The following ZNF112 variants were observed in gnomAD, a reference collection of about 807,000 sequenced individuals.
ZNF112 encodes zinc finger protein 112, also known as zinc finger protein 112 (Y14).
A neutral mutation model predicts 77.7 loss-of-function variants in ZNF112; 37 were observed. The ratio of observed to expected loss-of-function variants is 0.48; its 90% CI spans 0.37 to 0.63. The LOEUF is 0.63. Among genes scored for constraint, ZNF112 ranks in the 20% least tolerant of loss-of-function variants. ZNF112 has a pLI of 0.00. For synonymous variants in ZNF112, 333 were observed against 363.6 expected, an observed-to-expected ratio of 0.92 and a Z score of 0.96; for missense variants, 950 against 1,077.4, an observed-to-expected ratio of 0.88 and a Z score of 1.66.
intron 1 of ZNF112, chr19:44,343,391 C>T: frequency 3.7e-6 from 4 of 1,085,480 alleles, no homozygotes; most frequent in Middle Eastern, 4.1e-4. Context: ...TGTCCCTTCC[C>T]CCAGCAGATG....
upstream of ZNF112, among the ~76,000 whole-genome samples, chr19:44,359,417 G>A (rs371642047): frequency 7.1e-6 from 1 of 140,266 alleles, no homozygotes; most frequent in Non-Finnish European, 1.5e-5. Flanking sequence ...TCTGCCTCTC[G>A]GCTTCAAGCA....
At chr19:44,359,905 T>G (rs1013549281), upstream of ZNF112, among the ~76,000 whole-genome samples, 4 of 152,118 alleles carry the variant, frequency 2.6e-5, no homozygotes, top group African/African-American at 9.7e-5. Flanking sequence ...CCAACTAACT[T>G]TATGAGGCCA....
rs149142797 is a variant in ZNF112, at chr19:44,329,099, T to C, written c.1058A>G (p.Tyr353Cys). 1.9e-6 allele frequency: 3 copies of C among 1,613,840 alleles called. No individual in the cohort carries two copies. The highest frequency in any genetic ancestry group is 2.5e-6 in the Non-Finnish European group (3 of 1,179,996). ...GGCTTTCTCATAAATGTTGTGCCTA[T>C]AGGACATCTCACCTGTGTGGATAAG... ...YELIHTGEMS[Y>C]RHNIYEKAFS... Residue 353 changes from tyrosine (Y) to cysteine (C), a missense_variant, in exon 4 of 4, where the codon TAT becomes TGT. Around this residue, in one of 3 missense-constraint regions of ZNF112, gnomAD observed 560 missense variants for 557.3 expected, o/e 1.00. Coordinates refer to ENST00000354340, the MANE Select transcript of ZNF112 (RefSeq NM_013380.4).
At chr19:44,366,883 G>T (rs1970910031) in intron 1 of ZNF112, among the ~76,000 whole-genome samples, 1 of 152,086 alleles carries the variant, frequency 6.6e-6, no homozygotes, top group Non-Finnish European at 1.5e-5. Context: ...AACTGCATCA[G>T]TTTGGTACTA....
intron 1 of ZNF112, among the ~76,000 whole-genome samples, chr19:44,354,134 G>A (rs988549776): frequency 3.3e-5 from 5 of 152,104 alleles, no homozygotes; most frequent in African/African-American, 1.2e-4. Flanking sequence ...TATAGCATCA[G>A]TTCATTTATA....
chr19:44,349,347 ACT>A (rs1417574667), intron 1 of ZNF112, among the ~76,000 whole-genome samples: 7 of 151,280 alleles, frequency 4.6e-5, no homozygotes, highest in Admixed American at 1.3e-4. Flanking sequence ...ACTAATACAC[ACT>A]CTTCAAGCCA....
upstream of ZNF112, among the ~76,000 whole-genome samples, chr19:44,359,371 T>C (rs1970832388): frequency 7.4e-6 from 1 of 135,166 alleles, no homozygotes; most frequent in Non-Finnish European, 1.5e-5. Context: ...TTCCCCGGGC[T>C]GAAGTGCAGT....
At chr19:44,340,284 A>C in intron 2 of ZNF112, 132 bp downstream of exon 2, 1 of 1,229,222 alleles carries the variant, frequency 8.1e-7, no homozygotes, top group Non-Finnish European at 1.1e-6. Context: ...TCTGTGTTGC[A>C]CGGGGATTAT....
chr19:44,332,307 T>C (rs1373500161), intron 3 of ZNF112, among the ~76,000 whole-genome samples: 1 of 152,198 alleles, frequency 6.6e-6, no homozygotes, highest in Non-Finnish European at 1.5e-5. Context: ...TGAATCTGTA[T>C]CACTAGGCTC....
At chr19:44,336,413 C>T (rs990347994) in intron 3 of ZNF112, among the ~76,000 whole-genome samples, 2 of 152,034 alleles carry the variant, frequency 1.3e-5, no homozygotes, top group Admixed American at 6.6e-5. Flanking sequence ...ACTGAATGAG[C>T]AAAAACAAAC....
intron 1 of ZNF112, among the ~76,000 whole-genome samples, chr19:44,344,706 A>G (rs1970556575): frequency 6.6e-6 from 1 of 152,216 alleles, no homozygotes; most frequent in Admixed American, 6.5e-5. Context: ...AAATCCATAC[A>G]TGATGATGGA....
chr19:44,333,166 T>C (rs1970301216), intron 3 of ZNF112, among the ~76,000 whole-genome samples: 2 of 152,230 alleles, frequency 1.3e-5, no homozygotes, highest in Admixed American at 6.5e-5. Context: ...AATTGATCAA[T>C]TCAATAACAA....
intron 1 of ZNF112, among the ~76,000 whole-genome samples, chr19:44,355,543 A>C (rs1970771442): frequency 6.6e-6 from 1 of 152,228 alleles, no homozygotes; most frequent in African/African-American, 2.4e-5. Flanking sequence ...TCAAGAACTA[A>C]GGCAATGGAT....
intron 3 of ZNF112, among the ~76,000 whole-genome samples, chr19:44,332,410 C>T (rs1599914078): frequency 6.6e-6 from 1 of 152,116 alleles, no homozygotes; most frequent in East Asian, 1.9e-4. Context: ...GATGTCTTTG[C>T]CTTCTCAAAA....
At chr19:44,330,671 G>A (rs1228866220) in intron 3 of ZNF112, among the ~76,000 whole-genome samples, 1 of 152,180 alleles carries the variant, frequency 6.6e-6, no homozygotes, top group African/African-American at 2.4e-5. Context: ...ATGAGGCAGA[G>A]GTTGCAGTGA....
intron 1 of ZNF112, among the ~76,000 whole-genome samples, chr19:44,347,491 T>TC (rs1970614347): frequency 2.4e-5 from 3 of 124,816 alleles, no homozygotes; most frequent in Admixed American, 1.7e-4. Flanking sequence ...GTTGATTTTT[T>TC]TTTTTTTTTT....
Position 44,329,815 on chromosome 19 carries a change from T to G in ZNF112, c.342A>C (p.Gln114His), listed in dbSNP as rs985498082. Residue 114 changes from glutamine to histidine, a missense_variant, in exon 4 of 4, where the codon CAA becomes CAC. Gln to His is a conservative substitution (Grantham distance 24). Coordinates refer to ENST00000354340, the MANE Select transcript of ZNF112 (RefSeq NM_013380.4). ...QQSAGGLIRCQDFLKVFQGKN... is the reference protein window; with the variant it reads ...QQSAGGLIRCHDFLKVFQGKN... ...TCCCTTGAAAAACTTTCAGGAAATC[T>G]TGACACCTGATTAACCCACCTGCAC... 3.7e-6 allele frequency: 6 copies of G among 1,613,978 alleles called. No homozygotes were observed. Among genetic ancestry groups the G allele is most frequent in the Non-Finnish European group, 5.1e-6 (6 of 1,179,992 alleles).
At position 44,327,730 on chromosome 19, in the gene ZNF112, A is replaced by C. The variant is rs767960437; in HGVS notation, c.2427T>G (p.Ser809Arg). The C allele has an allele frequency of 5.8e-5, 94 of 1,613,618 alleles. 2 individuals are homozygous for C. The South Asian group carries it at 9.8e-4, about 17-fold the overall frequency. ...YKCEQCGKGF[S>R]GYSSLQAHHR... ...GATGGGCTTGAAGACTTGAATACCC[A>C]CTGAAACCCTTACCACACTGTTCAC... The change falls in exon 4 of 4, where the codon AGT (serine) becomes AGG (arginine). Residue 809 changes from serine (S) to arginine (R), a missense_variant. By Grantham distance (110) the Ser-to-Arg change is moderately radical. This residue lies in a region of ZNF112 where 373 missense variants were observed against 482.8 expected (regional missense o/e 0.77). Coordinates refer to ENST00000354340, the MANE Select transcript of ZNF112 (RefSeq NM_013380.4).
upstream of ZNF112, among the ~76,000 whole-genome samples, chr19:44,359,705 T>C (rs1358092938): frequency 6.6e-6 from 1 of 152,228 alleles, no homozygotes; most frequent in Non-Finnish European, 1.5e-5. Flanking sequence ...TTGATAAGGT[T>C]TCTATCTTCT....
Sources: gnomAD v4.1 joint callset for allele counts (sites outside exome capture counted in the v4.1 genomes callset) on GRCh38, gnomAD v4.1.1 for gene constraint, gnomAD v4.1.1 regional missense constraint, MANE v1.5 for transcripts, NCBI Gene and HGNC (gene_info 2026-07-23, HGNC 2026-07-21) for gene names.